The following PHYHIPL variants were observed in gnomAD, a reference collection of about 807,000 sequenced individuals.
PHYHIPL encodes the protein phytanoyl-CoA 2-hydroxylase interacting protein like.
In PHYHIPL, 9 loss-of-function variants were observed where a neutral mutation model predicts 33.4. The observed-to-expected ratio is 0.27, with a 90% CI of 0.16 to 0.47. PHYHIPL has a LOEUF of 0.47. Ranked by LOEUF, PHYHIPL falls within the 20% of genes least tolerant of loss-of-function variation. The pLI, the probability that PHYHIPL is intolerant of heterozygous loss-of-function variation, is 0.99. For missense variants in PHYHIPL, 365 were observed against 460.7 expected, an observed-to-expected ratio of 0.79 and a Z score of 1.90; for synonymous variants, 153 against 154.1, an observed-to-expected ratio of 0.99 and a Z score of 0.05.
chr10:59,177,497 C>A, intron 1 of PHYHIPL: 1 of 1,549,496 alleles, frequency 6.5e-7, no homozygotes, highest in African/African-American at 1.4e-5. Flanking sequence ...TCAGTGAGGG[C>A]GCAGAAAAAC....
intron 4 of PHYHIPL, 86 bp from the exon 5 acceptor site, chr10:59,244,971 T>C (rs1189980557): frequency 7.2e-7 from 1 of 1,382,910 alleles, no homozygotes; most frequent in African/African-American, 1.5e-5. Context: ...TAACAGTAGA[T>C]GTTTGACTTT....
intron 3 of PHYHIPL, 30 bp downstream of exon 3, chr10:59,236,687 G>T (rs753302793): frequency 2.0e-6 from 3 of 1,511,184 alleles, no homozygotes; most frequent in Admixed American, 2.2e-5. Flanking sequence ...ATATAGAAAA[G>T]CTTTAGTTGT....
intron 1 of PHYHIPL, among the ~76,000 whole-genome samples, chr10:59,209,658 A>G (rs554664543): frequency 1.3e-5 from 2 of 152,194 alleles, no homozygotes; most frequent in Non-Finnish European, 2.9e-5. Flanking sequence ...ACACTACCTG[A>G]CTTCAAACTA....
In PHYHIPL at chr10:59,176,805, A is replaced by C. The variant is rs1371808474; in HGVS notation, c.-49A>C. 1 of 1,536,032 alleles carries C rather than the reference A, an allele frequency of 6.5e-7. No homozygotes were observed. The highest frequency in any genetic ancestry group is 8.9e-7 in the Non-Finnish European group (1 of 1,125,930). Reference sequence around the variant, plus strand: ...CGCTCTTCTTGCCCACCCGGCCGGCAGAGAGAGCCTGGATACGAAGCAGGC... The same window carrying C: ...CGCTCTTCTTGCCCACCCGGCCGGCCGAGAGAGCCTGGATACGAAGCAGGC... On this transcript the variant is annotated 5_prime_UTR_variant, in exon 1 of 5. Transcript: ENST00000373880.
intron 1 of PHYHIPL, among the ~76,000 whole-genome samples, chr10:59,189,774 A>G (rs1248679425): frequency 2.0e-5 from 3 of 151,992 alleles, no homozygotes; most frequent in African/African-American, 7.2e-5. Context: ...AAGGAGCAAC[A>G]TTTTATTGAG....
At chr10:59,209,627 G>A (rs1839389479) in intron 1 of PHYHIPL, among the ~76,000 whole-genome samples, 1 of 151,978 alleles carries the variant, frequency 6.6e-6, no homozygotes, top group African/African-American at 2.4e-5. Flanking sequence ...AAAAGACACA[G>A]ACTGGCAAAT....
chr10:59,216,419 C>G (rs187124219), intron 1 of PHYHIPL, among the ~76,000 whole-genome samples: 3 of 152,178 alleles, frequency 2.0e-5, no homozygotes. Flanking sequence ...ACATTCCTTT[C>G]TTTTGGATAT....
Position 59,184,410 on chromosome 10 carries a change from G to A in PHYHIPL, c.106+7451G>A, listed in dbSNP as rs553804870. Among the ~76,000 whole-genome samples the A allele has an allele frequency of 3.9e-5, 6 of 152,252 alleles. No homozygotes were observed. In the South Asian group the frequency reaches 8.3e-4, roughly 21 times the overall value. On this transcript the variant is annotated intron_variant, in intron 1 of 4. Transcript: ENST00000373880. Reference sequence around the variant, plus strand: ...GACATGAGTTAATCTCTCTTGATAGGAGTAAAAATATTGCAAAGAGAGTTT... The same window carrying A: ...GACATGAGTTAATCTCTCTTGATAGAAGTAAAAATATTGCAAAGAGAGTTT...
chr10:59,206,899 G>C (rs1839298603), intron 1 of PHYHIPL: 2 of 723,986 alleles, frequency 2.8e-6, no homozygotes, highest in South Asian at 3.4e-5. Context: ...CCAAATTATG[G>C]AAAGTGTGAC....
intron 1 of PHYHIPL, among the ~76,000 whole-genome samples, chr10:59,201,183 T>G (rs1589269672): frequency 6.6e-6 from 1 of 152,230 alleles, no homozygotes; most frequent in African/African-American, 2.4e-5. Flanking sequence ...CTGCTTTCTC[T>G]TGTGGGCATT....
intron 1 of PHYHIPL, among the ~76,000 whole-genome samples, chr10:59,228,859 C>A (rs916703849): frequency 6.6e-6 from 1 of 152,088 alleles, no homozygotes; most frequent in Non-Finnish European, 1.5e-5. Flanking sequence ...GCCCTCTTAG[C>A]TACTGTAACT....
At chr10:59,177,996 C>T (rs1589253014) in intron 1 of PHYHIPL, among the ~76,000 whole-genome samples, 1 of 151,898 alleles carries the variant, frequency 6.6e-6, no homozygotes, top group Non-Finnish European at 1.5e-5. Flanking sequence ...TGTCTTTAAC[C>T]AAAGTTATGT....
chr10:59,187,938 T>C lies in PHYHIPL; in HGVS notation c.106+10979T>C, dbSNP rs974855264. On this transcript the variant is annotated intron_variant, in intron 1 of 4. Transcript: ENST00000373880. ...CCACCTCCTGGATTCATTGATATTT[T>C]GAAGGGTTTTTTGTGTCTCTATCTC... Among the ~76,000 whole-genome samples the C allele has an allele frequency of 9.8e-5, 15 of 152,344 alleles. No homozygotes were observed. In the South Asian group the frequency reaches 1.4e-3, roughly 15 times the overall value.
At chr10:59,221,736 A>G (rs1839783127) in intron 1 of PHYHIPL, 2 of 954,770 alleles carry the variant, frequency 2.1e-6, no homozygotes, top group African/African-American at 1.8e-5. Context: ...CTGGCTTCTC[A>G]TAAAAGCTCA....
Position 59,245,122 on chromosome 10 carries a change from T to A in PHYHIPL, c.662T>A (p.Ile221Asn), listed in dbSNP as rs1437828440. The A allele has an allele frequency of 6.2e-7, 1 of 1,614,080 alleles. No individual in the cohort carries two copies. Among genetic ancestry groups the A allele is most frequent in the Non-Finnish European group, 8.5e-7 (1 of 1,179,996 alleles). The change falls in exon 5 of 5, where the codon ATC becomes AAC. Residue 221 changes from isoleucine (I) to asparagine (N), a missense_variant. Ile to Asn is a moderately radical substitution (Grantham distance 149). Transcript: ENST00000373880. ...AACAGTGGTAGCCATGGCTCTCCTA[T>A]CAGTGGAAAATTAGAAGGCATCTTC... ...KDNSGSHGSP[I>N]SGKLEGIFFS...
At chr10:59,182,570 C>A (rs897280196) in intron 1 of PHYHIPL, among the ~76,000 whole-genome samples, 1 of 151,982 alleles carries the variant, frequency 6.6e-6, no homozygotes, top group African/African-American at 2.4e-5. Context: ...CTTGAACTCC[C>A]GACCTCGTGA....
chr10:59,180,044 G>C (rs998357064), intron 1 of PHYHIPL, among the ~76,000 whole-genome samples: 3 of 151,640 alleles, frequency 2.0e-5, no homozygotes, highest in African/African-American at 7.3e-5. Flanking sequence ...CTGTGCTGAA[G>C]TATACTCAAA....
intron 1 of PHYHIPL, among the ~76,000 whole-genome samples, chr10:59,228,033 G>A (rs575776212): frequency 4.7e-5 from 7 of 147,522 alleles, no homozygotes; most frequent in East Asian, 3.9e-4. Flanking sequence ...CAAAAAATGC[G>A]CACCCTAAAA....
chr10:59,246,914 A>G lies in PHYHIPL; in HGVS notation c.*1323A>G. The G allele has an allele frequency of 3.3e-6, 1 of 300,454 alleles. No homozygotes were observed. The highest frequency in any genetic ancestry group is 6.0e-6 in the Non-Finnish European group (1 of 166,034). The allele number at this position is 300,454 out of a possible 1,614,324, so 18.6% of individuals were successfully genotyped here. ...TTTTAATACAATATTTTATTTTAATATAAACATCTGTCAGTTATAGACAAA... is the reference window on the plus strand; with the variant it reads ...TTTTAATACAATATTTTATTTTAATGTAAACATCTGTCAGTTATAGACAAA... On this transcript the variant is annotated 3_prime_UTR_variant, in exon 5 of 5. Coordinates refer to ENST00000373880, the MANE Select transcript of PHYHIPL (RefSeq NM_032439.4).
Sources: allele counts gnomAD v4.1 joint callset (sites outside exome capture counted in the v4.1 genomes callset), GRCh38; gene constraint gnomAD v4.1.1; transcripts MANE v1.5; gene names NCBI Gene and HGNC (gene_info 2026-07-23, HGNC 2026-07-21).